The following EHBP1 variants were observed in gnomAD, a reference collection of about 807,000 sequenced individuals.
EHBP1 encodes the protein EH domain-binding protein 1.
A neutral mutation model predicts 144.0 loss-of-function variants in EHBP1; 55 were observed. The ratio of observed to expected loss-of-function variants is 0.38; its 90% CI spans 0.31 to 0.48. The LOEUF (loss-of-function observed/expected upper bound fraction) is 0.48, where lower values mean the gene tolerates loss of function less well. EHBP1 is among the 20% of genes least tolerant of loss of function. The pLI, the probability that EHBP1 is intolerant of heterozygous loss-of-function variation, is 0.98. For synonymous variants in EHBP1, 469 were observed against 472.7 expected (o/e 0.99, Z 0.10); for missense variants, 1,200 against 1,364.2 (o/e 0.88, Z 1.90).
At chr2:62,900,676 G>A (rs1282621370) in intron 10 of EHBP1, among the ~76,000 whole-genome samples, 3 of 138,782 alleles carry the variant, frequency 2.2e-5, no homozygotes, top group South Asian at 2.1e-4. Flanking sequence ...GTGGGTGTGT[G>A]TGTATGTGTA....
chr2:62,747,766 A>G (rs2039296514), intron 3 of EHBP1, among the ~76,000 whole-genome samples: 1 of 151,970 alleles, frequency 6.6e-6, no homozygotes, highest in Non-Finnish European at 1.5e-5. Context: ...CAAAAACTGC[A>G]GTTACTTTTG....
intron 14 of EHBP1, among the ~76,000 whole-genome samples, chr2:62,960,095 T>C (rs960492173): frequency 6.6e-6 from 1 of 152,150 alleles, no homozygotes; most frequent in East Asian, 1.9e-4. Context: ...TAAAGCCTTA[T>C]AAAATGTAAA....
chr2:63,018,770 C>A (rs1175454171), intron 19 of EHBP1, among the ~76,000 whole-genome samples: 1 of 152,112 alleles, frequency 6.6e-6, no homozygotes, highest in Non-Finnish European at 1.5e-5. Flanking sequence ...AAAGAATTAA[C>A]ACATCACCAT....
intron 5 of EHBP1, chr2:62,771,616 T>A: frequency 3.0e-6 from 1 of 336,446 alleles, no homozygotes; most frequent in East Asian, 5.4e-5. Flanking sequence ...ATTGTATGTA[T>A]GTTTGTATGT....
In EHBP1 at chr2:62,680,826, C is replaced by T. The variant is rs2033487231; in HGVS notation, c.-296+6743C>T. Among the ~76,000 whole-genome samples the T allele has an allele frequency of 3.9e-5, 6 of 152,270 alleles. 1 individual carries two copies. In the South Asian group the frequency reaches 1.2e-3, roughly 32 times the overall value. On this transcript the variant is annotated intron_variant, in intron 1 of 22. Transcript: ENST00000405015. ...TGGGATATAAGTCCTATCTCTACTA[C>T]CAACTCGTTAGAACCTAACTTTGGA...
At chr2:63,042,521 T>C (rs1258897915) in intron 21 of EHBP1, among the ~76,000 whole-genome samples, 2 of 152,086 alleles carry the variant, frequency 1.3e-5, no homozygotes, top group Non-Finnish European at 2.9e-5. Context: ...TATAAATTTA[T>C]GCTGGGATAT....
intron 12 of EHBP1, among the ~76,000 whole-genome samples, chr2:62,944,848 TG>T (rs2056972894): frequency 6.6e-6 from 1 of 152,230 alleles, no homozygotes; most frequent in Non-Finnish European, 1.5e-5. Flanking sequence ...CAGTAGGCAC[TG>T]AATGCTTTTT....
chr2:62,778,293 CT>C (rs1386303369), intron 5 of EHBP1, among the ~76,000 whole-genome samples: 1 of 152,092 alleles, frequency 6.6e-6, no homozygotes, highest in Non-Finnish European at 1.5e-5. Context: ...AATCTTAACA[CT>C]TTGGGAGCCC....
chr2:63,017,003 G>C (rs912025531), intron 19 of EHBP1, among the ~76,000 whole-genome samples: 1 of 152,156 alleles, frequency 6.6e-6, no homozygotes, highest in African/African-American at 2.4e-5. Context: ...TGAAAACATG[G>C]ACTTATCCCT....
chr2:62,948,176 A>C (rs2057173710), intron 12 of EHBP1, 84 bp from the exon 13 acceptor site: 1 of 1,299,194 alleles, frequency 7.7e-7, no homozygotes, highest in African/African-American at 1.5e-5. Context: ...TACCCAAACA[A>C]CAAAAATTAA....
intron 2 of EHBP1, among the ~76,000 whole-genome samples, chr2:62,716,454 A>G (rs2035687203): frequency 6.6e-6 from 1 of 152,180 alleles, no homozygotes; most frequent in Non-Finnish European, 1.5e-5. Flanking sequence ...GGTCATCTTC[A>G]TTCCAAAGCT....
chr2:62,707,480 G>T (rs2034708900), intron 2 of EHBP1, among the ~76,000 whole-genome samples, 185 bp downstream of exon 2: 1 of 151,870 alleles, frequency 6.6e-6, no homozygotes, highest in Non-Finnish European at 1.5e-5. Flanking sequence ...CATCCCTGTG[G>T]ATTTTAATTA....
intron 10 of EHBP1, among the ~76,000 whole-genome samples, chr2:62,879,758 A>C (rs1475454621): frequency 6.6e-6 from 1 of 152,188 alleles, no homozygotes; most frequent in Admixed American, 6.5e-5. Context: ...CGGAAAAATC[A>C]ATATTAAAAT....
chr2:62,862,673 ATTAAG>A (rs767028291), intron 8 of EHBP1, among the ~76,000 whole-genome samples: 4 of 152,332 alleles, frequency 2.6e-5, no homozygotes, highest in Admixed American at 6.5e-5. Context: ...TAATAATCAG[ATTAAG>A]TTGTTTGAAA....
At chr2:62,957,640 G>GTTT (rs771682026) in intron 14 of EHBP1, among the ~76,000 whole-genome samples, 1 of 69,700 alleles carries the variant, frequency 1.4e-5, no homozygotes, top group Non-Finnish European at 2.7e-5. Flanking sequence ...GAAAATAAAT[G>GTTT]CTTTTTTTTT....
intron 10 of EHBP1, among the ~76,000 whole-genome samples, chr2:62,926,173 T>C (rs981602388): frequency 1.3e-5 from 2 of 152,100 alleles, no homozygotes; most frequent in Non-Finnish European, 2.9e-5. Context: ...CTTCAATTAA[T>C]TGTGCTGGGA....
chr2:62,736,664 ATTTTATTTTG>A (rs2038168648), intron 2 of EHBP1, among the ~76,000 whole-genome samples: 1 of 152,174 alleles, frequency 6.6e-6, no homozygotes, highest in South Asian at 2.1e-4. Flanking sequence ...GATCTCTAGC[ATTTTATTTTG>A]TTTTATTTTG....
chr2:62,702,678 C>G (rs1378516781), upstream of EHBP1, among the ~76,000 whole-genome samples: 1 of 152,188 alleles, frequency 6.6e-6, no homozygotes, highest in East Asian at 1.9e-4. Context: ...TGAATGTACT[C>G]TTTAAGACTC....
Position 62,948,502 on chromosome 2 carries a change from G to T in EHBP1, c.1656G>T (p.Glu552Asp). The stretch of plus-strand genomic sequence containing the variant: ...TTGATCAAGAAAAATTCTATGCAGA[G>T]CTTAGTGATCTGAAGCGGGAGCCTG... ...SSVDQEKFYA[E>D]LSDLKREPEL... The change falls in exon 13 of 23, where the codon GAG (glutamate) becomes GAT (aspartate). Residue 552 changes from glutamate to aspartate, a missense_variant. Physicochemically the swap from Glu to Asp is conservative, Grantham distance 45. Around this residue, in one of 6 missense-constraint regions of EHBP1, gnomAD observed 543 missense variants for 513.1 expected, o/e 1.06. Coordinates refer to ENST00000431489, the MANE Select transcript of EHBP1 (RefSeq NM_001142616.3). 1.2e-6 allele frequency: 2 copies of T among 1,614,044 alleles called. No homozygotes were observed. Among genetic ancestry groups the T allele is most frequent in the Non-Finnish European group, 1.7e-6 (2 of 1,179,928 alleles).
Sources: gnomAD v4.1 joint callset for allele counts (sites outside exome capture counted in the v4.1 genomes callset) on GRCh38, gnomAD v4.1.1 for gene constraint, gnomAD v4.1.1 regional missense constraint, MANE v1.5 for transcripts, NCBI Gene and HGNC (gene_info 2026-07-23, HGNC 2026-07-21) for gene names.